CALN1: variants seen among roughly 807,000 people sequenced by gnomAD.
The protein encoded by CALN1 is calcium-binding protein 8.
CALN1 carries 17 observed loss-of-function variants against 30.6 expected under a neutral mutation model. That is an observed-to-expected ratio of 0.56 (90% CI 0.38 to 0.83). CALN1 has a LOEUF of 0.83. Among genes scored for constraint, CALN1 ranks in the 40% least tolerant of loss-of-function variants. CALN1 has a pLI of 0.00. For synonymous variants in CALN1, 156 were observed against 131.4 expected (o/e 1.19, Z -1.28); for missense variants, 291 against 354.9 (o/e 0.82, Z 1.45).
At chr7:72,032,335 C>T (rs540319746) in intron 4 of CALN1, among the ~76,000 whole-genome samples, 2 of 152,186 alleles carry the variant, frequency 1.3e-5, no homozygotes, top group East Asian at 1.9e-4. Flanking sequence ...CATGAGCCAC[C>T]GCGCCCAGCT....
At chr7:71,857,097 A>G (rs1296481920) in intron 5 of CALN1, among the ~76,000 whole-genome samples, 1 of 150,712 alleles carries the variant, frequency 6.6e-6, no homozygotes, top group Non-Finnish European at 1.5e-5. Context: ...TGTAGAAACT[A>G]TGTGTTATTC....
chr7:72,300,095 T>A (rs923270024), intron 2 of CALN1, among the ~76,000 whole-genome samples: 2 of 151,906 alleles, frequency 1.3e-5, no homozygotes, highest in African/African-American at 2.4e-5. Context: ...TTGGCCAGGC[T>A]GGTCTCGAAC....
chr7:72,317,937 G>C (rs887540804), intron 2 of CALN1, among the ~76,000 whole-genome samples: 4 of 152,072 alleles, frequency 2.6e-5, no homozygotes, highest in African/African-American at 9.7e-5. Context: ...CACCCTTTAG[G>C]AAAAATATTT....
chr7:71,856,678 G>A (rs1177582625), intron 5 of CALN1, among the ~76,000 whole-genome samples: 1 of 152,112 alleles, frequency 6.6e-6, no homozygotes, highest in African/African-American at 2.4e-5. Context: ...TAACTGGCCG[G>A]GTGTGGTGGC....
chr7:71,941,249 CTG>C (rs1796114663), intron 5 of CALN1, among the ~76,000 whole-genome samples: 2 of 128,060 alleles, frequency 1.6e-5, no homozygotes, highest in South Asian at 2.6e-4. Context: ...ACTTGGGAGG[CTG>C]AGGCAGGGAG....
intron 4 of CALN1, among the ~76,000 whole-genome samples, chr7:72,071,410 T>C (rs936899398): frequency 1.1e-4 from 17 of 152,118 alleles, no homozygotes; most frequent in African/African-American, 3.9e-4. Flanking sequence ...AGCACTATTT[T>C]CCCCCGTTTC....
At chr7:72,256,115 A>G (rs909352074) in intron 3 of CALN1, among the ~76,000 whole-genome samples, 1 of 152,218 alleles carries the variant, frequency 6.6e-6, no homozygotes, top group South Asian at 2.1e-4. Context: ...TTAGTGTCCT[A>G]TTAGATGGGG....
intron 5 of CALN1, among the ~76,000 whole-genome samples, chr7:71,860,712 G>A (rs960732964): frequency 2.0e-5 from 3 of 152,136 alleles, no homozygotes; most frequent in African/African-American, 7.2e-5. Flanking sequence ...ATGTCACATT[G>A]CAAGCCTTTA....
chr7:72,128,220 T>G (rs1366559611), intron 3 of CALN1, among the ~76,000 whole-genome samples: 1 of 152,214 alleles, frequency 6.6e-6, no homozygotes, highest in Non-Finnish European at 1.5e-5. Flanking sequence ...CAATAGGCGA[T>G]TAGCTAAATA....
At chr7:72,190,835 G>A (rs1408063780) in intron 3 of CALN1, among the ~76,000 whole-genome samples, 1 of 106,368 alleles carries the variant, frequency 9.4e-6, no homozygotes. Context: ...TCTGTACATC[G>A]ATTTATTATT....
chr7:72,086,205 G>A (rs1049513946), intron 4 of CALN1, among the ~76,000 whole-genome samples: 7 of 152,222 alleles, frequency 4.6e-5, no homozygotes, highest in South Asian at 2.1e-4. Flanking sequence ...ATTAATGAAC[G>A]TGACATAAAC....
the CALN1 span, among the ~76,000 whole-genome samples, chr7:72,503,105 C>T: frequency 6.6e-6 from 1 of 151,932 alleles, no homozygotes. Flanking sequence ...GAGATCGTGC[C>T]ACTGCACTCC....
the CALN1 span, among the ~76,000 whole-genome samples, chr7:72,480,844 A>G: frequency 6.6e-6 from 1 of 151,970 alleles, no homozygotes. Flanking sequence ...CATATTTTTT[A>G]TAATTCACTT....
At chr7:72,470,568 A>G in the CALN1 span, among the ~76,000 whole-genome samples, 3 of 152,260 alleles carry the variant, frequency 2.0e-5, no homozygotes, top group Non-Finnish European at 4.4e-5. Flanking sequence ...TCACAGGCAC[A>G]TGCAGACCTA....
chr7:71,991,129 G>T (rs1326695048), intron 5 of CALN1, among the ~76,000 whole-genome samples: 2 of 151,964 alleles, frequency 1.3e-5, no homozygotes, highest in African/African-American at 4.8e-5. Flanking sequence ...ATAAGGCTGA[G>T]TAAGAACAAA....
At chr7:72,415,651 G>C (rs538796410), upstream of CALN1, among the ~76,000 whole-genome samples, 5 of 152,366 alleles carry the variant, frequency 3.3e-5, no homozygotes, top group South Asian at 1.0e-3. Context: ...AAACCTGTTT[G>C]TGGGCTGAAC....
At chr7:71,831,871 C>CAAAAAAAAAAAAAAAAAAAAA in intron 5 of CALN1, among the ~76,000 whole-genome samples, 2 of 20,880 alleles carry the variant, frequency 9.6e-5, no homozygotes, top group African/African-American at 1.3e-4. Flanking sequence ...AACCCTGCCT[C>CAAAAAAAAAAAAAAAAAAAAA]AAAAAAAAAA....
intron 3 of CALN1, among the ~76,000 whole-genome samples, chr7:72,129,189 T>C (rs1203949906): frequency 6.6e-6 from 1 of 152,194 alleles, no homozygotes; most frequent in Non-Finnish European, 1.5e-5. Flanking sequence ...ATATTTCACC[T>C]AGAAGGCAGA....
intron 4 of CALN1, among the ~76,000 whole-genome samples, chr7:72,102,540 A>T (rs1806752117): frequency 6.6e-6 from 1 of 152,226 alleles, no homozygotes; most frequent in South Asian, 2.1e-4. Flanking sequence ...ACAAGCTGTT[A>T]TGTCCATACA....
Sources: gnomAD v4.1 joint callset for allele counts (sites outside exome capture counted in the v4.1 genomes callset) on GRCh38, gnomAD v4.1.1 for gene constraint, MANE v1.5 for transcripts, NCBI Gene and HGNC (gene_info 2026-07-23, HGNC 2026-07-21) for gene names.